Variants in MUC12 observed in about 807,000 individuals in gnomAD.
The protein encoded by MUC12 is mucin-12.
A neutral mutation model predicts 230.8 loss-of-function variants in MUC12; 172 were observed. The observed-to-expected ratio is 0.75, with a 90% CI of 0.66 to 0.85. The LOEUF is 0.85. MUC12 is among the 40% of genes least tolerant of loss of function. The pLI is 0.00. For missense variants in MUC12, 3,506 were observed against 5,920.6 expected (o/e 0.59, Z 13.38); for synonymous variants, 1,259 against 2,401.9 (o/e 0.52, Z 13.91).
chr7:100,978,835 C>T (rs953779338), intron 1 of MUC12, among the ~76,000 whole-genome samples: 3 of 152,242 alleles, frequency 2.0e-5, no homozygotes, highest in African/African-American at 7.2e-5. Context: ...TTAGAGACAG[C>T]GTCTTTCTCT....
intron 1 of MUC12, 82 bp from the exon 2 acceptor site, chr7:100,990,549 G>A: frequency 6.7e-7 from 1 of 1,497,172 alleles, no homozygotes; most frequent in Non-Finnish European, 9.0e-7. Context: ...TTCCAGCCCG[G>A]ATGTGTCAGA....
chr7:100,995,706 A>G lies in MUC12; in HGVS notation c.5143A>G (p.Thr1715Ala). Residue 1715 changes from threonine (T) to alanine (A), a missense_variant, in exon 2 of 12, where the codon ACC becomes GCC. Coordinates refer to ENST00000536621, the MANE Select transcript of MUC12 (RefSeq NM_001164462.2). The part of the protein sequence containing the change: ...TTSAFVELST[T>A]SHGSPSSTPT... Reference sequence around the variant, plus strand: ...ATCAGCCTTTGTTGAGCTATCTACAACCTCCCACGGCAGCCCGAGCTCAAC... The same window carrying G: ...ATCAGCCTTTGTTGAGCTATCTACAGCCTCCCACGGCAGCCCGAGCTCAAC... 6.5e-7 allele frequency: 1 copy of G among 1,534,596 alleles called. No homozygotes were observed. The highest frequency in any genetic ancestry group is 8.7e-7 in the Non-Finnish European group (1 of 1,146,482).
chr7:100,980,730 C>G (rs1793092844), intron 1 of MUC12, among the ~76,000 whole-genome samples: 1 of 151,972 alleles, frequency 6.6e-6, no homozygotes, highest in South Asian at 2.1e-4. Flanking sequence ...TGAGACTAGC[C>G]TGGGCAAGAT....
Position 101,005,287 on chromosome 7 carries a change from C to A in MUC12, c.14724C>A (p.Phe4908Leu). 2 of 1,537,936 alleles carry A rather than the reference C, an allele frequency of 1.3e-6. No individual in the cohort carries two copies. The highest frequency in any genetic ancestry group is 1.7e-6 in the Non-Finnish European group (2 of 1,147,064). Residue 4908 changes from phenylalanine to leucine, a missense_variant, in exon 2 of 12, where the codon TTC becomes TTA. Coordinates refer to ENST00000536621, the MANE Select transcript of MUC12 (RefSeq NM_001164462.2). The part of the protein sequence containing the change: ...TTDIGQESTA[F>L]HSSSDATGTT... ...ACATTGGTCAGGAATCAACAGCCTT[C>A]CACAGCAGCTCAGACGCAACTGGAA... is the stretch of plus-strand genomic sequence containing the variant.
rs1793323626 is a variant in MUC12, at chr7:100,991,966, C to T, written c.1403C>T (p.Ser468Leu). The T allele has an allele frequency of 6.5e-7, 1 of 1,537,820 alleles. No homozygotes were observed. Among genetic ancestry groups the T allele is most frequent in the African/African-American group, 1.4e-5 (1 of 73,038 alleles). Residue 468 changes from serine to leucine, a missense_variant, in exon 2 of 12, where the codon TCA (serine) becomes TTA (leucine). Transcript: ENST00000536621. ...PSVLVGDSTP[S>L]PISSGSMETT... ...GTTCTTGTTGGAGACTCGACGCCCT[C>T]ACCCATCAGTTCAGGCTCAATGGAA...
chr7:100,992,167 C>T lies in MUC12; in HGVS notation c.1604C>T (p.Ala535Val). Residue 535 changes from alanine to valine, a missense_variant, in exon 2 of 12, where the codon GCA becomes GTA. By Grantham distance (64) the Ala-to-Val change is moderately conservative. Transcript: ENST00000536621. Reference protein sequence around the residue: ...HSRPGSTHTTAFPGSTTMPGL... With the variant: ...HSRPGSTHTTVFPGSTTMPGL... ...CGACCAGGCTCAACACACACAACAG[C>T]ATTCCCTGGCAGTACCACCATGCCA... is the stretch of plus-strand genomic sequence containing the variant. The T allele has an allele frequency of 4.6e-6, 7 of 1,537,914 alleles. No homozygotes were observed. Among genetic ancestry groups the T allele is most frequent in the Non-Finnish European group, 6.1e-6 (7 of 1,147,068 alleles).
In MUC12 at chr7:100,990,936, C is replaced by G; in HGVS notation, c.373C>G (p.Pro125Ala). 1.3e-6 allele frequency: 2 copies of G among 1,537,910 alleles called. No homozygotes were observed. The highest frequency in any genetic ancestry group is 2.4e-5 in the South Asian group (2 of 84,066). Residue 125 changes from proline (P) to alanine (A), a missense_variant, in exon 2 of 12, where the codon CCT (proline) becomes GCT (alanine). Physicochemically the swap from Pro to Ala is conservative, Grantham distance 27. Coordinates refer to ENST00000536621, the MANE Select transcript of MUC12 (RefSeq NM_001164462.2). ...TSASMETTAL[P>A]GSTTTAGLSE... ...AGCCTCAATGGAAACAACAGCGTTA[C>G]CTGGCAGTACCACAACAGCAGGCCT...
chr7:100,992,012 T>G lies in MUC12; in HGVS notation c.1449T>G (p.Ser483Arg), dbSNP rs1236527893. 2 of 1,537,900 alleles carry G rather than the reference T, an allele frequency of 1.3e-6. No homozygotes were observed. Among genetic ancestry groups the G allele is most frequent in the Non-Finnish European group, 1.7e-6 (2 of 1,147,066 alleles). The part of the protein sequence containing the change: ...GSMETTALPG[S>R]TTKPGLSEKS... ...TGGAAACCACAGCGTTACCCGGCAGTACCACAAAACCAGGCCTCAGTGAGA... is the reference window on the plus strand; with the variant it reads ...TGGAAACCACAGCGTTACCCGGCAGGACCACAAAACCAGGCCTCAGTGAGA... The change falls in exon 2 of 12, where the codon AGT becomes AGG. Residue 483 changes from serine to arginine, a missense_variant. Ser to Arg is a moderately radical substitution (Grantham distance 110). Transcript: ENST00000536621.
rs1332131266 is a variant in MUC12 at position 100,995,966 on chromosome 7, C to T, written c.5403C>T (p.His1801=). 1.2e-5 allele frequency: 11 copies of T among 912,640 alleles called. No homozygotes were observed. Among genetic ancestry groups the T allele is most frequent in the Admixed American group, 2.6e-5 (1 of 38,406 alleles). 56.5% of individuals were successfully genotyped at this position (912,640 alleles called of 1,614,324 possible). A position where few individuals can be genotyped will look rare whatever the true frequency, so the allele number is the denominator to read the frequency against. ...SGRSEESRTS[H]SSTTHTISSP... is the part of the protein sequence containing the mutation. ...GTAGTGAAGAATCAAGAACTTCCCA[C>T]AGCAGCACAACACACACAATATCTT... The change falls in exon 2 of 12, where the codon CAC becomes CAT. Residue 1801 remains histidine, a synonymous_variant. Coordinates refer to ENST00000536621, the MANE Select transcript of MUC12 (RefSeq NM_001164462.2).
chr7:100,986,601 G>T (rs570498945), intron 1 of MUC12, among the ~76,000 whole-genome samples: 1 of 152,230 alleles, frequency 6.6e-6, no homozygotes, highest in Admixed American at 6.5e-5. Context: ...CCGGCCTTCC[G>T]TCTTGGTCCA....
Position 100,991,428 on chromosome 7 carries a change from C to T in MUC12, c.865C>T (p.Pro289Ser), listed in dbSNP as rs1473817696. ...QSWPSSKDTS[P>S]APSGTTSAFV... ...CTGGCCAAGCTCAAAGGACACTTCG[C>T]CTGCACCTTCTGGTACCACATCAGC... The change falls in exon 2 of 12, where the codon CCT becomes TCT. Residue 289 changes from proline to serine, a missense_variant. Pro to Ser is a moderately conservative substitution (Grantham distance 74). Coordinates refer to ENST00000536621, the MANE Select transcript of MUC12 (RefSeq NM_001164462.2). 2.0e-6 allele frequency: 3 copies of T among 1,537,704 alleles called. No individual in the cohort carries two copies. Among genetic ancestry groups the T allele is most frequent in the Admixed American group, 3.9e-5 (2 of 50,980 alleles).
chr7:101,001,284 A>T lies in MUC12; in HGVS notation c.10721A>T (p.Glu3574Val), dbSNP rs1793595819. 1.3e-6 allele frequency: 2 copies of T among 1,536,782 alleles called. No individual in the cohort carries two copies. Among genetic ancestry groups the T allele is most frequent in the Non-Finnish European group, 1.7e-6 (2 of 1,146,822 alleles). Residue 3574 changes from glutamate to valine, a missense_variant, in exon 2 of 12, where the codon GAA becomes GTA. Glu to Val is a moderately radical substitution (Grantham distance 121). Transcript: ENST00000536621. ...GSTTALSFGQ[E>V]STTFHSSPGS... Reference sequence around the variant, plus strand: ...ACCACAGCCTTATCCTTTGGTCAAGAATCTACAACCTTCCACAGCAGCCCA... The same window carrying T: ...ACCACAGCCTTATCCTTTGGTCAAGTATCTACAACCTTCCACAGCAGCCCA...
chr7:100,972,952 G>A (rs1792938444), intron 1 of MUC12: 2 of 703,098 alleles, frequency 2.8e-6, no homozygotes, highest in Non-Finnish European at 5.2e-6. Context: ...CCACAGGTCT[G>A]CAGGGGAGCT....
In MUC12 at chr7:101,004,921, C is replaced by A; in HGVS notation, c.14358C>A (p.Thr4786=). ...CAACAGCGTTCCCTGCCAGCACCACCACCTCAGGCCTCAGTCAGGAATCAA... is the reference window on the plus strand; with the variant it reads ...CAACAGCGTTCCCTGCCAGCACCACAACCTCAGGCCTCAGTCAGGAATCAA... The part of the protein sequence containing the change: ...THTTAFPAST[T]TSGLSQESTT... Residue 4786 remains threonine, a synonymous_variant, in exon 2 of 12, where the codon ACC becomes ACA. Transcript: ENST00000536621. 1 of 1,537,526 alleles carries A rather than the reference C, an allele frequency of 6.5e-7. No individual in the cohort carries two copies. The highest frequency in any genetic ancestry group is 8.7e-7 in the Non-Finnish European group (1 of 1,146,980).
Position 101,009,173 on chromosome 7 carries a change from G to A in MUC12, c.15251+14G>A. 6.5e-7 allele frequency: 1 copy of A among 1,536,870 alleles called. No homozygotes were observed. Among genetic ancestry groups the A allele is most frequent in the Non-Finnish European group, 8.7e-7 (1 of 1,146,170 alleles). ...TCGGAGATTGCTGTGAGTATATTGG[G>A]GGGCAGGTTTATAGATGTGGGGAAA... is the stretch of plus-strand genomic sequence containing the variant. On this transcript the variant is annotated intron_variant, in intron 5 of 11. Coordinates refer to ENST00000536621, the MANE Select transcript of MUC12 (RefSeq NM_001164462.2).
chr7:100,971,667 G>A (rs1432296119), intron 1 of MUC12, among the ~76,000 whole-genome samples: 1 of 152,312 alleles, frequency 6.6e-6, no homozygotes, highest in Non-Finnish European at 1.5e-5. Flanking sequence ...CATTATGAGA[G>A]TTTATTAATA....
At chr7:100,969,836 C>T (rs2116244261) in intron 1 of MUC12, 147 bp downstream of exon 1, 1 of 1,201,572 alleles carries the variant, frequency 8.3e-7, no homozygotes, top group East Asian at 2.6e-5. Flanking sequence ...GTGCTGTGAC[C>T]TCATCTTGCT....
chr7:100,978,928 G>C (rs1793067386), intron 1 of MUC12, among the ~76,000 whole-genome samples: 1 of 152,262 alleles, frequency 6.6e-6, no homozygotes, highest in African/African-American at 2.4e-5. Flanking sequence ...TTCTGCCTCA[G>C]CCTCTCAAGT....
rs1793286126 is a variant in MUC12 at position 100,991,151 on chromosome 7, C to T, written c.588C>T (p.Ser196=). Residue 196 remains serine (S), a synonymous_variant, in exon 2 of 12, where the codon TCC becomes TCT. Coordinates refer to ENST00000536621, the MANE Select transcript of MUC12 (RefSeq NM_001164462.2). The part of the protein sequence containing the change: ...MPGVSQESTA[S]HSIPGSTDTT... ...GCGTCAGTCAGGAATCTACAGCTTC[C>T]CACAGCATCCCCGGCTCCACAGACA... is the stretch of plus-strand genomic sequence containing the variant. 6.5e-7 allele frequency: 1 copy of T among 1,537,816 alleles called. No homozygotes were observed. The highest frequency in any genetic ancestry group is 2.0e-5 in the Admixed American group (1 of 50,988).
Sources: gnomAD v4.1 joint callset for allele counts (sites outside exome capture counted in the v4.1 genomes callset) on GRCh38, gnomAD v4.1.1 for gene constraint, MANE v1.5 for transcripts, NCBI Gene and HGNC (gene_info 2026-07-23, HGNC 2026-07-21) for gene names.